The following C12orf50 variants were observed in gnomAD, a reference collection of about 807,000 sequenced individuals.
The protein encoded by C12orf50 is zinc finger CCCH-type containing 11D.
Under a neutral mutation model 61.6 loss-of-function variants are expected in C12orf50, and 35 were observed. That is an observed-to-expected ratio of 0.57 (90% CI 0.43 to 0.75). The LOEUF is 0.75. C12orf50 is among the 30% of genes least tolerant of loss of function. The probability of loss-of-function intolerance (pLI) is 0.00; values close to 1 mark genes in which losing one functional copy is unlikely to be tolerated. For synonymous variants in C12orf50, 178 were observed against 161.5 expected, an observed-to-expected ratio of 1.10 and a Z score of -0.77; for missense variants, 475 against 488.5, an observed-to-expected ratio of 0.97 and a Z score of 0.26.
At chr12:88,024,816 T>G (rs1209788353) in intron 3 of C12orf50, among the ~76,000 whole-genome samples, 1 of 152,164 alleles carries the variant, frequency 6.6e-6, no homozygotes, top group Non-Finnish European at 1.5e-5. Flanking sequence ...GAATGTGTCC[T>G]GCAAGCTAGA....
chr12:87,985,507 G>A (rs922071659), intron 11 of C12orf50: 1 of 243,900 alleles, frequency 4.1e-6, no homozygotes, highest in East Asian at 9.2e-5. Context: ...AGTGAAAATT[G>A]AACAATGCAG....
intron 3 of C12orf50, among the ~76,000 whole-genome samples, chr12:88,009,499 C>T (rs562110287): frequency 2.2e-4 from 34 of 152,026 alleles, no homozygotes; most frequent in African/African-American, 8.0e-4. Flanking sequence ...CAAGCAGAGA[C>T]AATTTTACTC....
At chr12:87,983,072 T>C (rs1296005170) in intron 12 of C12orf50, 31 bp downstream of exon 12, 26 of 1,282,778 alleles carry the variant, frequency 2.0e-5, no homozygotes, top group Non-Finnish European at 2.8e-5. Flanking sequence ...CAGAATTGCA[T>C]GATACATTAA....
At chr12:88,024,172 T>C (rs977258741) in intron 3 of C12orf50, among the ~76,000 whole-genome samples, 1 of 152,226 alleles carries the variant, frequency 6.6e-6, no homozygotes, top group African/African-American at 2.4e-5. Context: ...ACTTATATAC[T>C]GCTGGTAGGA....
At chr12:87,995,481 T>TAG in intron 6 of C12orf50, among the ~76,000 whole-genome samples, 1 of 152,246 alleles carries the variant, frequency 6.6e-6, no homozygotes, top group South Asian at 2.1e-4. Flanking sequence ...TGTGTATATT[T>TAG]AGAGAGAGTG....
In C12orf50 at chr12:87,980,229, T is replaced by C. The variant is rs1213975316; in HGVS notation, c.*102A>G. 4 of 1,153,080 alleles carry C rather than the reference T, an allele frequency of 3.5e-6. No homozygotes were observed. The highest frequency in any genetic ancestry group is 5.1e-6 in the Non-Finnish European group (4 of 778,540). 71.4% of individuals were successfully genotyped at this position (1,153,080 alleles called of 1,614,324 possible). A position where few individuals can be genotyped will look rare whatever the true frequency, so the allele number is the denominator to read the frequency against. On this transcript the variant is annotated 3_prime_UTR_variant, in exon 13 of 13. Transcript: ENST00000298699. ...ATCTTTGGCTATCCACTACATAACA[T>C]GGAGTACTTGAGTATCTCATTCTTT...
intron 11 of C12orf50, 69 bp from the exon 12 acceptor site, chr12:87,983,264 T>C: frequency 1.0e-6 from 1 of 997,112 alleles, no homozygotes; most frequent in Non-Finnish European, 1.5e-6. Flanking sequence ...TGTTTCAAAG[T>C]TATAAACATC....
At chr12:87,996,997 A>C (rs769081070) in intron 4 of C12orf50, among the ~76,000 whole-genome samples, 16 of 152,182 alleles carry the variant, frequency 1.1e-4, no homozygotes, top group Non-Finnish European at 1.8e-4. Flanking sequence ...TGTACTCCTA[A>C]GCACAGAAAC....
rs779199410 is a variant in C12orf50, at chr12:87,986,297, A to G, written c.922+15T>C. On this transcript the variant is annotated intron_variant, in intron 10 of 12. Coordinates refer to ENST00000298699, the MANE Select transcript of C12orf50 (RefSeq NM_152589.3). The stretch of plus-strand genomic sequence containing the variant: ...AAATTACAATTTAGAAATATCAAAT[A>G]TATAGACACCTTACCTCTCTGCATT... 4 of 1,515,214 alleles carry G rather than the reference A, an allele frequency of 2.6e-6. No homozygotes were observed. The highest frequency in any genetic ancestry group is 1.2e-5 in the South Asian group (1 of 82,744). 93.9% of individuals were successfully genotyped at this position (1,515,214 alleles called of 1,614,324 possible). A position where few individuals can be genotyped will look rare whatever the true frequency, so the allele number is the denominator to read the frequency against.
chr12:87,986,416 A>G lies in C12orf50; in HGVS notation c.818T>C (p.Met273Thr), dbSNP rs1195936712. ...SMKCREDPSS[M>T]NDVQPVKKPH... ...CTTCTTCACTGGCTGGACATCATTCACTTAGAAAAGATACAAATTTTACAA... is the reference window on the plus strand; with the variant it reads ...CTTCTTCACTGGCTGGACATCATTCGCTTAGAAAAGATACAAATTTTACAA... The change falls in exon 10 of 13, where the codon ATG becomes ACG. Residue 273 changes from methionine (M) to threonine (T), a missense_variant and splice_region_variant. Met to Thr is a moderately conservative substitution (Grantham distance 81, BLOSUM62 -1). Coordinates refer to ENST00000298699, the MANE Select transcript of C12orf50 (RefSeq NM_152589.3). The G allele has an allele frequency of 1.3e-6, 2 of 1,591,816 alleles. No homozygotes were observed.
chr12:88,020,747 CA>C (rs1452208658), intron 3 of C12orf50, among the ~76,000 whole-genome samples: 2 of 152,016 alleles, frequency 1.3e-5, no homozygotes, highest in Non-Finnish European at 2.9e-5. Context: ...TTCTCATCAT[CA>C]CATGACACAT....
chr12:88,026,716 G>T (rs2032721460), intron 2 of C12orf50, 108 bp from the exon 3 acceptor site: 1 of 1,420,472 alleles, frequency 7.0e-7, no homozygotes, highest in Non-Finnish European at 9.5e-7. Context: ...ATAGTTAACT[G>T]ATTTAGGATC....
intron 3 of C12orf50, among the ~76,000 whole-genome samples, chr12:88,009,389 A>G (rs2032013470): frequency 6.6e-6 from 1 of 152,070 alleles, no homozygotes; most frequent in African/African-American, 2.4e-5. Flanking sequence ...TTCCCTAACT[A>G]TTAATAAGAC....
intron 3 of C12orf50, among the ~76,000 whole-genome samples, chr12:88,008,328 T>C (rs2031968856): frequency 6.6e-6 from 1 of 152,206 alleles, no homozygotes; most frequent in East Asian, 1.9e-4. Context: ...TGTTTTTCTG[T>C]TACTGCATTA....
At chr12:88,022,884 T>C (rs1299630976) in intron 3 of C12orf50, among the ~76,000 whole-genome samples, 2 of 152,188 alleles carry the variant, frequency 1.3e-5, no homozygotes, top group East Asian at 1.9e-4. Context: ...AAACATTCCA[T>C]GCTCATGGAT....
At chr12:88,014,064 A>C (rs920766453) in intron 3 of C12orf50, among the ~76,000 whole-genome samples, 2 of 152,206 alleles carry the variant, frequency 1.3e-5, no homozygotes, top group African/African-American at 4.8e-5. Flanking sequence ...AAGTGCTAGA[A>C]TATCTCACTC....
chr12:87,987,710 TTG>T lies in C12orf50; in HGVS notation c.817+138_817+139del. 9.7e-6 allele frequency: 6 copies of T among 617,072 alleles called. No individual in the cohort carries two copies. The South Asian group carries it at 1.2e-4, about 12-fold the overall frequency. 38.2% of individuals were successfully genotyped at this position (617,072 alleles called of 1,614,324 possible). On this transcript the variant is annotated intron_variant, in intron 9 of 12. Coordinates refer to ENST00000298699, the MANE Select transcript of C12orf50 (RefSeq NM_152589.3). Reference sequence around the variant, plus strand: ...TGTCAGAGTTAGTTAGTAGAGGATATTGTGTCTTTAATTCTTAGTTCTGAATA... The same window carrying T: ...TGTCAGAGTTAGTTAGTAGAGGATATTGTCTTTAATTCTTAGTTCTGAATA...
chr12:87,980,416 GTTC>G (rs2030399477), intron 12 of C12orf50, 60 bp from the exon 13 acceptor site: 2 of 1,408,624 alleles, frequency 1.4e-6, no homozygotes, highest in Non-Finnish European at 9.9e-7. Flanking sequence ...CTGATATTTT[GTTC>G]TTCTTTTGCT....
At chr12:88,019,535 A>T (rs916118669) in intron 3 of C12orf50, among the ~76,000 whole-genome samples, 1 of 152,188 alleles carries the variant, frequency 6.6e-6, no homozygotes, top group Non-Finnish European at 1.5e-5. Flanking sequence ...AGGGCACTAG[A>T]TCAAATAGAG....
Sources: gnomAD v4.1 joint callset for allele counts (sites outside exome capture counted in the v4.1 genomes callset) on GRCh38, gnomAD v4.1.1 for gene constraint, MANE v1.5 for transcripts, NCBI Gene and HGNC (gene_info 2026-07-23, HGNC 2026-07-21) for gene names.